DAB1: variants seen among roughly 807,000 people sequenced by gnomAD.
DAB1 encodes the protein disabled homolog 1.
In DAB1, 15 loss-of-function variants were observed where a neutral mutation model predicts 64.6. That is an observed-to-expected ratio of 0.23 (90% CI 0.16 to 0.36). The LOEUF is 0.36. DAB1 is among the 10% of genes least tolerant of loss of function. DAB1 has a pLI of 1.00. For missense variants in DAB1, 596 were observed against 706.7 expected, an observed-to-expected ratio of 0.84 and a Z score of 1.78; for synonymous variants, 235 against 251.9, an observed-to-expected ratio of 0.93 and a Z score of 0.64.
chr1:57,415,260 C>CAG (rs967954554), intron 1 of DAB1, among the ~76,000 whole-genome samples: 5 of 145,210 alleles, frequency 3.4e-5, no homozygotes, highest in Non-Finnish European at 6.2e-5. Flanking sequence ...CACACACACA[C>CAG]ACACACACAC....
intron 1 of DAB1, among the ~76,000 whole-genome samples, chr1:57,870,457 T>C (rs1448340360): frequency 6.6e-6 from 1 of 152,102 alleles, no homozygotes; most frequent in Non-Finnish European, 1.5e-5. Flanking sequence ...AGGCATTACA[T>C]AGACTTGTAC....
At position 57,011,128 on chromosome 1, in the gene DAB1, A is replaced by G. The variant is rs1646253898; in HGVS notation, c.1572+17T>C. 2 of 1,613,642 alleles carry G rather than the reference A, an allele frequency of 1.2e-6. No homozygotes were observed. The highest frequency in any genetic ancestry group is 2.2e-5 in the South Asian group (2 of 91,034). ...TTTTAAGGAAAAACACAAACAAATA[A>G]CAAACTGGTCACTTACAGCTTCTTG... is the stretch of plus-strand genomic sequence containing the variant. On this transcript the variant is annotated intron_variant, in intron 13 of 14. Coordinates refer to ENST00000371236, the MANE Select transcript of DAB1 (RefSeq NM_001365792.1).
intron 6 of DAB1, among the ~76,000 whole-genome samples, chr1:57,660,830 G>T (rs957198783): frequency 6.6e-6 from 1 of 152,188 alleles, no homozygotes; most frequent in Admixed American, 6.5e-5. Context: ...CTCAGCTTCA[G>T]AGCTTCCCAC....
rs1347405646 is a variant in DAB1, at chr1:57,014,943, A to C, written c.1384T>G (p.Phe462Val). 2 of 1,610,740 alleles carry C rather than the reference A, an allele frequency of 1.2e-6. No homozygotes were observed. Among genetic ancestry groups the C allele is most frequent in the South Asian group, 2.2e-5 (2 of 90,448 alleles). The stretch of plus-strand genomic sequence containing the variant: ...GTCAAATTCAACTGGGAGATGTCAA[A>C]GTCATCACAGTCGTCTGTATCCTGT... Reference protein sequence around the residue: ...VAQDTDDCDDFDISQLNLTPV... With the variant: ...VAQDTDDCDDVDISQLNLTPV... The change falls in exon 12 of 15, where the codon TTT becomes GTT. Residue 462 changes from phenylalanine (F) to valine (V), a missense_variant. This residue lies in a region of DAB1 where 377 missense variants were observed against 400.4 expected (regional missense o/e 0.94). Coordinates refer to ENST00000371236, the MANE Select transcript of DAB1 (RefSeq NM_001365792.1).
At chr1:57,321,226 G>A (rs1007416513) in intron 1 of DAB1, among the ~76,000 whole-genome samples, 2 of 152,152 alleles carry the variant, frequency 1.3e-5, no homozygotes, top group African/African-American at 2.4e-5. Context: ...TCCAAAAAAT[G>A]TATAGAAGTA....
chr1:57,868,946 TCAA>T (rs1167307306), intron 1 of DAB1, among the ~76,000 whole-genome samples: 1 of 152,168 alleles, frequency 6.6e-6, no homozygotes, highest in East Asian at 1.9e-4. Flanking sequence ...TTTTTTTCCT[TCAA>T]GGTTCTGTTC....
intron 5 of DAB1, among the ~76,000 whole-genome samples, chr1:57,911,515 C>A (rs1644643979): frequency 6.6e-6 from 1 of 152,160 alleles, no homozygotes; most frequent in South Asian, 2.1e-4. Context: ...CAGGCCTCTT[C>A]CTTGATCCCA....
chr1:58,245,238 T>A (rs1660477512), intron 4 of DAB1, among the ~76,000 whole-genome samples: 1 of 152,150 alleles, frequency 6.6e-6, no homozygotes, highest in South Asian at 2.1e-4. Flanking sequence ...CCCCATTCAG[T>A]CACTGTACTA....
intron 1 of DAB1, among the ~76,000 whole-genome samples, chr1:57,350,596 T>C (rs1309212440): frequency 6.6e-6 from 1 of 152,104 alleles, no homozygotes; most frequent in African/African-American, 2.4e-5. Context: ...TAATTACAAG[T>C]TCCTGACTGG....
intron 1 of DAB1, among the ~76,000 whole-genome samples, chr1:57,342,439 A>T (rs1221471594): frequency 6.6e-6 from 1 of 152,228 alleles, no homozygotes; most frequent in East Asian, 1.9e-4. Context: ...CCAAAAGCAT[A>T]GCACTTGGCA....
intron 4 of DAB1, among the ~76,000 whole-genome samples, chr1:58,326,609 C>T (rs890960153): frequency 6.6e-6 from 1 of 152,200 alleles, no homozygotes; most frequent in Non-Finnish European, 1.5e-5. Flanking sequence ...GGCATCATCT[C>T]CTTTAATTCT....
chr1:57,258,927 A>G (rs1173495271), intron 2 of DAB1, among the ~76,000 whole-genome samples: 1 of 152,030 alleles, frequency 6.6e-6, no homozygotes, highest in East Asian at 1.9e-4. Flanking sequence ...CAACCTCTGA[A>G]TGTGCAGGTT....
intron 6 of DAB1, among the ~76,000 whole-genome samples, chr1:57,775,802 A>G (rs1344842043): frequency 6.6e-6 from 1 of 151,658 alleles, no homozygotes; most frequent in Admixed American, 6.6e-5. Flanking sequence ...AAGAAATGTT[A>G]TAATTTCACA....
At chr1:57,962,752 A>G (rs893414281) in intron 5 of DAB1, among the ~76,000 whole-genome samples, 6 of 151,568 alleles carry the variant, frequency 4.0e-5, no homozygotes, top group Admixed American at 6.6e-5. Context: ...TAGTTCCTGT[A>G]GTTCCTGCTA....
chr1:58,346,432 G>C (rs867132479), intron 3 of DAB1, among the ~76,000 whole-genome samples: 1 of 152,152 alleles, frequency 6.6e-6, no homozygotes, highest in Non-Finnish European at 1.5e-5. Flanking sequence ...TAAGTCAGTC[G>C]GGTTCAATTT....
chr1:57,647,288 C>T (rs1287057738), intron 7 of DAB1, among the ~76,000 whole-genome samples: 2 of 152,174 alleles, frequency 1.3e-5, no homozygotes, highest in Non-Finnish European at 2.9e-5. Flanking sequence ...CCACTACCTT[C>T]AGCAATGCAT....
intron 7 of DAB1, among the ~76,000 whole-genome samples, chr1:57,627,097 G>C (rs1645931461): frequency 6.6e-6 from 1 of 152,130 alleles, no homozygotes; most frequent in African/African-American, 2.4e-5. Flanking sequence ...TCTGTTGAGG[G>C]CCTGAATAGA....
At chr1:57,745,224 G>T (rs1648207879) in intron 6 of DAB1, among the ~76,000 whole-genome samples, 1 of 152,142 alleles carries the variant, frequency 6.6e-6, no homozygotes, top group Non-Finnish European at 1.5e-5. Flanking sequence ...AGTAAAGTGT[G>T]GCGTTGGTGC....
chr1:58,141,784 A>G (rs1297769220), intron 5 of DAB1, among the ~76,000 whole-genome samples: 1 of 152,206 alleles, frequency 6.6e-6, no homozygotes, highest in Non-Finnish European at 1.5e-5. Context: ...GGAGTTGGTA[A>G]TGGAAGGGCA....
Sources: allele counts gnomAD v4.1 joint callset (sites outside exome capture counted in the v4.1 genomes callset), GRCh38; gene constraint gnomAD v4.1.1; regional missense constraint gnomAD v4.1.1; transcripts MANE v1.5; gene names NCBI Gene and HGNC (gene_info 2026-07-23, HGNC 2026-07-21).